Variants in TTC28 observed in about 807,000 individuals in gnomAD.
TTC28 encodes tetratricopeptide repeat domain 28.
In TTC28, 61 loss-of-function variants were observed where a neutral mutation model predicts 198.0. That is an observed-to-expected ratio of 0.31 (90% CI 0.25 to 0.38). The LOEUF is 0.38. Ranked by LOEUF, TTC28 falls within the 10% of genes least tolerant of loss-of-function variation. The pLI, the probability that TTC28 is intolerant of heterozygous loss-of-function variation, is 1.00. For synonymous variants in TTC28, 1,171 were observed against 1,297.8 expected, an observed-to-expected ratio of 0.90 and a Z score of 2.10; for missense variants, 2,678 against 3,164.0, an observed-to-expected ratio of 0.85 and a Z score of 3.69.
At chr22:28,165,667 T>C (rs1921846635) in intron 5 of TTC28, among the ~76,000 whole-genome samples, 2 of 152,016 alleles carry the variant, frequency 1.3e-5, no homozygotes, top group Non-Finnish European at 2.9e-5. Flanking sequence ...CTAAAAGAGC[T>C]CCTGAAGGAA....
chr22:28,607,462 ATACAAAGC>A (rs2146138096), intron 2 of TTC28, among the ~76,000 whole-genome samples: 1 of 152,322 alleles, frequency 6.6e-6, no homozygotes, highest in South Asian at 2.1e-4. Context: ...CATTCCATCT[ATACAAAGC>A]TGAAAAACTG....
chr22:28,395,659 C>T (rs542957922), intron 2 of TTC28, among the ~76,000 whole-genome samples: 21 of 149,488 alleles, frequency 1.4e-4, no homozygotes, highest in African/African-American at 5.2e-4. Flanking sequence ...CCAGCAACAA[C>T]CCCAATACTC....
In TTC28 at chr22:27,992,817, G is replaced by A. The variant is rs937238657; in HGVS notation, c.5477-154C>T. On this transcript the variant is annotated intron_variant, in intron 18 of 22. Coordinates refer to ENST00000397906, the MANE Select transcript of TTC28 (RefSeq NM_001145418.2). ...GACATGTGTGTCTGTGTGTGCCTTG[G>A]AAAAGGACAGCGTGGTCTCCCAGGA... is the stretch of plus-strand genomic sequence containing the variant. 6.9e-6 allele frequency: 5 copies of A among 728,786 alleles called. No individual in the cohort carries two copies. The Admixed American group carries it at 8.5e-5, about 12-fold the overall frequency. 45.1% of individuals were successfully genotyped at this position (728,786 alleles called of 1,614,324 possible). A position where few individuals can be genotyped will look rare whatever the true frequency, so the allele number is the denominator to read the frequency against.
At chr22:28,219,619 T>C (rs2017922679) in intron 5 of TTC28, among the ~76,000 whole-genome samples, 1 of 152,168 alleles carries the variant, frequency 6.6e-6, no homozygotes, top group Non-Finnish European at 1.5e-5. Context: ...ATGTTATTTT[T>C]AACTCTCCCC....
Position 28,369,368 on chromosome 22 carries a change from T to C in TTC28, c.382-62725A>G, listed in dbSNP as rs565150366. Reference sequence around the variant, plus strand: ...ATCAATAAATGATGCTGATAAATCATTAAACTATTGACTATAGTCTCCCTG... The same window carrying C: ...ATCAATAAATGATGCTGATAAATCACTAAACTATTGACTATAGTCTCCCTG... On this transcript the variant is annotated intron_variant, in intron 2 of 22. Transcript: ENST00000397906. Among the ~76,000 whole-genome samples the C allele has an allele frequency of 1.1e-4, 16 of 152,284 alleles. No individual in the cohort carries two copies. In the Middle Eastern group the frequency reaches 0.01, roughly 97 times the overall value.
At chr22:28,409,469 A>C (rs1363576947) in intron 2 of TTC28, among the ~76,000 whole-genome samples, 1 of 151,758 alleles carries the variant, frequency 6.6e-6, no homozygotes, top group African/African-American at 2.4e-5. Context: ...AGCCAAAACA[A>C]GTTTCTGTCA....
intron 6 of TTC28, among the ~76,000 whole-genome samples, chr22:28,113,694 T>A (rs1287343172): frequency 6.6e-6 from 1 of 152,230 alleles, no homozygotes; most frequent in Non-Finnish European, 1.5e-5. Context: ...AACAACGTGG[T>A]GTCCATGATT....
chr22:28,339,232 C>G (rs557276572), intron 2 of TTC28, among the ~76,000 whole-genome samples: 45 of 152,226 alleles, frequency 3.0e-4, no homozygotes, highest in Admixed American at 5.9e-4. Flanking sequence ...AAATGTTGCT[C>G]CCTGATCGTT....
At position 28,063,974 on chromosome 22, in the gene TTC28, G is replaced by C. The variant is rs935189535; in HGVS notation, c.3932+30106C>G. Among the ~76,000 whole-genome samples the C allele has an allele frequency of 7.2e-5, 11 of 152,228 alleles. No homozygotes were observed. The South Asian group carries it at 2.1e-3, about 29-fold the overall frequency. ...TCACAGGAGAGCTGTGTTTTAGGAG[G>C]GTTCTTGTATCTGCAGAGCATTTGT... On this transcript the variant is annotated intron_variant, in intron 12 of 22. Transcript: ENST00000397906.
At chr22:28,023,523 C>G (rs1187364871) in intron 13 of TTC28, among the ~76,000 whole-genome samples, 1 of 152,228 alleles carries the variant, frequency 6.6e-6, no homozygotes, top group Non-Finnish European at 1.5e-5. Flanking sequence ...GCATGTCCAG[C>G]AATACAGCAA....
rs192564118 is a variant in TTC28 at position 28,167,746 on chromosome 22, T to G, written c.934-4147A>C. The stretch of plus-strand genomic sequence containing the variant: ...ATGGCCAAAAACTGGAAGCATTCCC[T>G]TTGAAAACTGGCACAAGACAGGGAT... On this transcript the variant is annotated intron_variant, in intron 5 of 22. Coordinates refer to ENST00000397906, the MANE Select transcript of TTC28 (RefSeq NM_001145418.2). Among the ~76,000 whole-genome samples the G allele has an allele frequency of 3.6e-3, 549 of 152,256 alleles. 1 individual carries two copies. The highest frequency in any genetic ancestry group is 0.012 in the African/African-American group (501 of 41,550).
chr22:28,084,786 C>T (rs1300099078), intron 12 of TTC28, among the ~76,000 whole-genome samples: 1 of 152,002 alleles, frequency 6.6e-6, no homozygotes, highest in African/African-American at 2.4e-5. Flanking sequence ...GAATGGATAA[C>T]TAGAATAATC....
intron 1 of TTC28, among the ~76,000 whole-genome samples, chr22:28,646,158 C>G (rs1337665990): frequency 6.6e-6 from 1 of 152,090 alleles, no homozygotes; most frequent in Admixed American, 6.6e-5. Context: ...TGATAGCATA[C>G]CTGGAGGACC....
chr22:28,507,660 A>AAG (rs1352963790), intron 2 of TTC28, among the ~76,000 whole-genome samples: 1 of 152,224 alleles, frequency 6.6e-6, no homozygotes, highest in Non-Finnish European at 1.5e-5. Context: ...GCTAAAGAGA[A>AAG]AGGCCAGGTC....
At chr22:28,130,253 A>G (rs926230479) in intron 6 of TTC28, among the ~76,000 whole-genome samples, 2 of 152,136 alleles carry the variant, frequency 1.3e-5, no homozygotes, top group Admixed American at 1.3e-4. Flanking sequence ...CAAGTGTGGA[A>G]AACACACTTG....
chr22:28,051,141 G>C (rs1255564676), intron 12 of TTC28, among the ~76,000 whole-genome samples: 1 of 152,136 alleles, frequency 6.6e-6, no homozygotes, highest in African/African-American at 2.4e-5. Flanking sequence ...GTCCTTAAAA[G>C]CTAGAAGTGA....
intron 2 of TTC28, among the ~76,000 whole-genome samples, chr22:28,572,779 CA>C (rs2050083248): frequency 6.6e-6 from 1 of 152,142 alleles, no homozygotes. Flanking sequence ...GGATTGGTTA[CA>C]AAACTGTCCA....
chr22:28,017,190 A>G (rs1041925935), intron 13 of TTC28, among the ~76,000 whole-genome samples: 1 of 152,236 alleles, frequency 6.6e-6, no homozygotes, highest in Non-Finnish European at 1.5e-5. Flanking sequence ...GGCCTGGGGC[A>G]GGAGGGCAGA....
intron 5 of TTC28, among the ~76,000 whole-genome samples, chr22:28,256,937 G>A (rs1377066775): frequency 3.3e-5 from 5 of 152,196 alleles, no homozygotes; most frequent in African/African-American, 1.2e-4. Context: ...CTACTCAGGA[G>A]GCTGAGGTGG....
Sources: gnomAD v4.1 joint callset for allele counts (sites outside exome capture counted in the v4.1 genomes callset) on GRCh38, gnomAD v4.1.1 for gene constraint, MANE v1.5 for transcripts, NCBI Gene and HGNC (gene_info 2026-07-23, HGNC 2026-07-21) for gene names.